R3HDM2: variants seen among roughly 807,000 people sequenced by gnomAD.
R3HDM2 encodes R3H domain-containing protein 2.
In R3HDM2, 38 loss-of-function variants were observed where a neutral mutation model predicts 124.5. The observed-to-expected ratio is 0.31, with a 90% confidence interval of 0.24 to 0.40. The LOEUF (loss-of-function observed/expected upper bound fraction) is 0.40, where lower values mean the gene tolerates loss of function less well. Among genes scored for constraint, R3HDM2 ranks in the 10% least tolerant of loss-of-function variants. The pLI is 1.00. For synonymous variants in R3HDM2, 391 were observed against 448.0 expected (o/e 0.87, Z 1.61); for missense variants, 869 against 1,236.9 (o/e 0.70, Z 4.46).
At chr12:57,278,614 C>G (rs1212057003) in intron 14 of R3HDM2, among the ~76,000 whole-genome samples, 1 of 152,112 alleles carries the variant, frequency 6.6e-6, no homozygotes, top group East Asian at 1.9e-4. Context: ...AATTAAGACA[C>G]AGACAGAGAA....
chr12:57,303,812 G>GA (rs954600890), intron 3 of R3HDM2, among the ~76,000 whole-genome samples: 18 of 149,832 alleles, frequency 1.2e-4, no homozygotes, highest in African/African-American at 2.9e-4. Flanking sequence ...CCATTAAAAA[G>GA]AAAAAAAAAG....
chr12:57,368,644 GT>G (rs1238000360), intron 2 of R3HDM2, among the ~76,000 whole-genome samples: 1 of 152,112 alleles, frequency 6.6e-6, no homozygotes, highest in East Asian at 1.9e-4. Flanking sequence ...TACTCCATGT[GT>G]ATTACCACAC....
intron 1 of R3HDM2, among the ~76,000 whole-genome samples, chr12:57,413,879 C>T (rs1204528233): frequency 2.9e-5 from 4 of 139,874 alleles, no homozygotes; most frequent in Non-Finnish European, 4.6e-5. Context: ...TGGAGTCTCA[C>T]GCTGTCACCT....
At chr12:57,387,983 A>C (rs2138584135) in intron 2 of R3HDM2, among the ~76,000 whole-genome samples, 1 of 152,212 alleles carries the variant, frequency 6.6e-6, no homozygotes, top group Admixed American at 6.5e-5. Flanking sequence ...TTTTTTAAAA[A>C]GACAAAGTCT....
Position 57,310,335 on chromosome 12 carries a change from T to C in R3HDM2, c.94A>G (p.Ile32Val). 2 of 1,549,948 alleles carry C rather than the reference T, an allele frequency of 1.3e-6. No homozygotes were observed. The highest frequency in any genetic ancestry group is 1.2e-5 in the South Asian group (1 of 83,478). The part of the protein sequence containing the change: ...VEESVNKNKF[I>V]SKTPSKEEIE... The stretch of plus-strand genomic sequence containing the variant: ...TCTTCCTTACTTGGAGTCTTAGATA[T>C]AAACTTGTTTTTGTTTACAGATTCT... The change falls in exon 3 of 24, where the codon ATA becomes GTA. Residue 32 changes from isoleucine to valine, a missense_variant. By Grantham distance (29) the Ile-to-Val change is conservative. Coordinates refer to ENST00000402412, the MANE Select transcript of R3HDM2 (RefSeq NM_001394031.1).
chr12:57,254,635 C>A lies in R3HDM2; in HGVS notation c.*138G>T. 1.3e-6 allele frequency: 1 copy of A among 746,804 alleles called. No individual in the cohort carries two copies. Among genetic ancestry groups the A allele is most frequent in the Non-Finnish European group, 2.1e-6 (1 of 481,164 alleles). 46.3% of individuals were successfully genotyped at this position (746,804 alleles called of 1,614,324 possible). A position where few individuals can be genotyped will look rare whatever the true frequency, so the allele number is the denominator to read the frequency against. On this transcript the variant is annotated 3_prime_UTR_variant, in exon 24 of 24. Transcript: ENST00000402412. Reference sequence around the variant, plus strand: ...ATGCCAGTGTAGGTATCTGTGTTTCCATCTTCATCACTGTCTTAGGTTCCA... The same window carrying A: ...ATGCCAGTGTAGGTATCTGTGTTTCAATCTTCATCACTGTCTTAGGTTCCA...
At chr12:57,315,893 G>A (rs1216170012) in intron 2 of R3HDM2, among the ~76,000 whole-genome samples, 3 of 152,194 alleles carry the variant, frequency 2.0e-5, no homozygotes, top group Non-Finnish European at 4.4e-5. Flanking sequence ...GCCAAGGCAG[G>A]TGAATTGCTC....
intron 1 of R3HDM2, among the ~76,000 whole-genome samples, chr12:57,417,574 T>G (rs983201420): frequency 6.6e-6 from 1 of 152,222 alleles, no homozygotes; most frequent in Non-Finnish European, 1.5e-5. Context: ...GTTACTATAC[T>G]CCCATGACAT....
At chr12:57,330,570 C>T (rs2058001512) in intron 2 of R3HDM2, among the ~76,000 whole-genome samples, 1 of 150,580 alleles carries the variant, frequency 6.6e-6, no homozygotes, top group African/African-American at 2.4e-5. Flanking sequence ...GTCTTGAACT[C>T]CTGACCTCAG....
chr12:57,265,533 GA>G (rs1233815709), intron 19 of R3HDM2, among the ~76,000 whole-genome samples: 1 of 144,752 alleles, frequency 6.9e-6, no homozygotes, highest in Non-Finnish European at 1.5e-5. Flanking sequence ...AAGAAAAAAA[GA>G]AAAGAAAAGA....
chr12:57,383,648 C>A (rs993612953), intron 2 of R3HDM2, among the ~76,000 whole-genome samples: 1 of 151,924 alleles, frequency 6.6e-6, no homozygotes, highest in East Asian at 1.9e-4. Context: ...GTGGAGGTTG[C>A]GGTGAGCCGA....
intron 2 of R3HDM2, among the ~76,000 whole-genome samples, chr12:57,347,730 A>C (rs1174572683): frequency 6.6e-6 from 1 of 152,230 alleles, no homozygotes; most frequent in African/African-American, 2.4e-5. Context: ...GCTGAAGCTG[A>C]CTTAATACAA....
At chr12:57,320,006 C>T (rs987366942) in intron 2 of R3HDM2, among the ~76,000 whole-genome samples, 1 of 152,060 alleles carries the variant, frequency 6.6e-6, no homozygotes. Context: ...TGGCTCACGC[C>T]TGCAATCCCA....
At chr12:57,263,938 G>A (rs1369908244) in intron 19 of R3HDM2, among the ~76,000 whole-genome samples, 1 of 152,164 alleles carries the variant, frequency 6.6e-6, no homozygotes, top group Non-Finnish European at 1.5e-5. Flanking sequence ...CCTCTCACCA[G>A]AAGAGGGCAC....
At chr12:57,393,830 C>G (rs532563674) in intron 2 of R3HDM2, among the ~76,000 whole-genome samples, 1 of 152,254 alleles carries the variant, frequency 6.6e-6, no homozygotes, top group East Asian at 1.9e-4. Flanking sequence ...TCTTATCACA[C>G]AAGAGATCCT....
intron 2 of R3HDM2, among the ~76,000 whole-genome samples, chr12:57,380,707 C>G (rs940047074): frequency 3.3e-5 from 5 of 151,880 alleles, no homozygotes; most frequent in Admixed American, 6.6e-5. Flanking sequence ...CTTCTAATAC[C>G]CCTGAATTCC....
chr12:57,308,257 T>C (rs2053167392), intron 3 of R3HDM2, among the ~76,000 whole-genome samples: 1 of 151,370 alleles, frequency 6.6e-6, no homozygotes, highest in African/African-American at 2.4e-5. Flanking sequence ...GGTTTCACCA[T>C]GTTGGCCAGG....
In R3HDM2 at chr12:57,269,383, G is replaced by C; in HGVS notation, c.1654C>G (p.His552Asp). The change falls in exon 16 of 24, where the codon CAC becomes GAC. Residue 552 changes from histidine to aspartate, a missense_variant. By Grantham distance (81) the His-to-Asp change is moderately conservative. This residue lies in a region of R3HDM2 where 602 missense variants were observed against 789.2 expected (regional missense o/e 0.76). Transcript: ENST00000402412. ...CGTTGGGGGCTATAGGCCACCGGGTGAGAGAGAGGTCGATATTGCTGGTTG... is the reference window on the plus strand; with the variant it reads ...CGTTGGGGGCTATAGGCCACCGGGTCAGAGAGAGGTCGATATTGCTGGTTG... ...NSNQQYRPLS[H>D]PVAYSPQRGQ... 1 of 1,614,188 alleles carries C rather than the reference G, an allele frequency of 6.2e-7. No individual in the cohort carries two copies. The highest frequency in any genetic ancestry group is 8.5e-7 in the Non-Finnish European group (1 of 1,180,024).
At position 57,296,563 on chromosome 12, in the gene R3HDM2, C is replaced by T. The variant is rs2049924579; in HGVS notation, c.561-12G>A. ...TCTTGAACTGATTACTGAAGGGAAACCCGGGGAAAAAAAGTGAAATAAGAC... is the reference window on the plus strand; with the variant it reads ...TCTTGAACTGATTACTGAAGGGAAATCCGGGGAAAAAAAGTGAAATAAGAC... On this transcript the variant is annotated splice_polypyrimidine_tract_variant and intron_variant, in intron 8 of 23. Coordinates refer to ENST00000402412, the MANE Select transcript of R3HDM2 (RefSeq NM_001394031.1). This position sits in a 1 kb window ranked among gnomAD's most constrained non-coding sequence, Gnocchi z 4.5. 3.9e-6 allele frequency: 6 copies of T among 1,541,118 alleles called. No individual in the cohort carries two copies. In the East Asian group the frequency reaches 9.8e-5, roughly 25 times the overall value.
Sources: allele counts gnomAD v4.1 joint callset (sites outside exome capture counted in the v4.1 genomes callset), GRCh38; gene constraint gnomAD v4.1.1; regional missense constraint gnomAD v4.1.1; non-coding constraint Gnocchi (gnomAD v3.1); transcripts MANE v1.5; gene names NCBI Gene and HGNC (gene_info 2026-07-23, HGNC 2026-07-21).